The following LIMA1 variants were observed in gnomAD, a reference collection of about 807,000 sequenced individuals.
LIMA1 encodes the protein LIM domain and actin-binding protein 1.
LIMA1 carries 52 observed loss-of-function variants against 62.6 expected under a neutral mutation model. That is an observed-to-expected ratio of 0.83 (90% CI 0.67 to 1.05). The LOEUF (loss-of-function observed/expected upper bound fraction) is 1.05, where lower values mean the gene tolerates loss of function less well. Ranked by LOEUF, LIMA1 falls within the 50% of genes least tolerant of loss-of-function variation. The pLI is 0.00. For synonymous variants in LIMA1, 302 were observed against 317.8 expected (o/e 0.95, Z 0.53); for missense variants, 780 against 902.2 (o/e 0.86, Z 1.74).
intron 1 of LIMA1, among the ~76,000 whole-genome samples, chr12:50,269,587 C>G (rs1942178987): frequency 6.6e-6 from 1 of 152,080 alleles, no homozygotes. Context: ...TTTCTCTGCA[C>G]CATAAAGTCT....
At chr12:50,265,584 G>A (rs552502448) in intron 1 of LIMA1, among the ~76,000 whole-genome samples, 1 of 151,862 alleles carries the variant, frequency 6.6e-6, no homozygotes, top group East Asian at 1.9e-4. Context: ...AAGAGAAATT[G>A]TTTCTTTAAA....
At chr12:50,241,475 A>G (rs756396440) in intron 2 of LIMA1, among the ~76,000 whole-genome samples, 30 of 152,274 alleles carry the variant, frequency 2.0e-4, no homozygotes, top group Non-Finnish European at 3.7e-4. Context: ...TCTAATAGAA[A>G]CATAGATTAA....
chr12:50,176,626 CTG>C lies in LIMA1; in HGVS notation c.*436_*437del, dbSNP rs1337317992. On this transcript the variant is annotated 3_prime_UTR_variant, in exon 11 of 11. Transcript: ENST00000341247. ...TGGTATTCATTTAAAAATATACAAA[CTG>C]TGCCCTTTATACTAAAGTGCATTCA... 6.5e-6 allele frequency: 1 copy of C among 154,504 alleles called. No individual in the cohort carries two copies. The highest frequency in any genetic ancestry group is 1.9e-4 in the East Asian group (1 of 5,242). 9.6% of individuals were successfully genotyped at this position (154,504 alleles called of 1,614,324 possible).
chr12:50,266,569 A>G (rs1942140874), intron 1 of LIMA1, among the ~76,000 whole-genome samples: 1 of 152,178 alleles, frequency 6.6e-6, no homozygotes, highest in Admixed American at 6.5e-5. Flanking sequence ...CTTCACTGTT[A>G]TGAATAAGAA....
chr12:50,237,406 G>T (rs1941711212), intron 2 of LIMA1, among the ~76,000 whole-genome samples: 1 of 152,238 alleles, frequency 6.6e-6, no homozygotes. Context: ...GGAGGCCAAG[G>T]CGGGCGGATC....
chr12:50,186,691 G>A (rs1457511607), intron 9 of LIMA1: 1 of 152,096 alleles, frequency 6.6e-6, no homozygotes, highest in Admixed American at 6.5e-5. Context: ...GCTGGTGCAG[G>A]GATCCACTGT....
intron 2 of LIMA1, chr12:50,234,211 C>CT (rs530660438): frequency 0.073 from 26,902 of 369,344 alleles, 6 homozygotes; most frequent in South Asian, 0.11. Context: ...CCAGAACAAC[C>CT]TTTTTTTTTT....
chr12:50,200,114 C>T (rs973565002), intron 7 of LIMA1, among the ~76,000 whole-genome samples: 4 of 152,066 alleles, frequency 2.6e-5, no homozygotes, highest in East Asian at 1.9e-4. Flanking sequence ...AGGCTTGTCT[C>T]GAACTCTCGA....
chr12:50,177,740 G>C lies in LIMA1; in HGVS notation c.1604C>G (p.Pro535Arg), dbSNP rs761889209. Residue 535 changes from proline to arginine, a missense_variant, in exon 11 of 11, where the codon CCC becomes CGC. By Grantham distance (103) the Pro-to-Arg change is moderately radical (BLOSUM62 -2). Coordinates refer to ENST00000341247, the MANE Select transcript of LIMA1 (RefSeq NM_016357.5). ...ACTTCCTGAACTTCCAAGTTCAGTG[G>C]GGGGTGGCCAGGCGATCCTCAGCTT... ...TKKLRIAWPP[P>R]TELGSSGSAL... 2.9e-5 allele frequency: 46 copies of C among 1,613,944 alleles called. 1 individual carries two copies. The highest frequency in any genetic ancestry group is 1.8e-4 in the South Asian group (16 of 91,060).
intron 2 of LIMA1, among the ~76,000 whole-genome samples, chr12:50,247,759 G>C (rs777262549): frequency 2.6e-4 from 40 of 151,924 alleles, no homozygotes; most frequent in Non-Finnish European, 4.6e-4. Flanking sequence ...GAGCAGCTGG[G>C]ACTACAGTAC....
chr12:50,246,679 T>C (rs1465012687), intron 2 of LIMA1, among the ~76,000 whole-genome samples: 1 of 152,190 alleles, frequency 6.6e-6, no homozygotes, highest in Non-Finnish European at 1.5e-5. Flanking sequence ...AGGTCTTCCA[T>C]CTGGCCCTAA....
At chr12:50,269,102 G>A (rs1446892173) in intron 1 of LIMA1, among the ~76,000 whole-genome samples, 2 of 152,154 alleles carry the variant, frequency 1.3e-5, no homozygotes, top group African/African-American at 4.8e-5. Flanking sequence ...CTAAGCCTTA[G>A]TTTCATCATC....
intron 3 of LIMA1, among the ~76,000 whole-genome samples, chr12:50,227,472 T>A (rs1485610918): frequency 1.3e-5 from 2 of 152,092 alleles, no homozygotes; most frequent in African/African-American, 2.4e-5. Context: ...ACTCCTGACC[T>A]CAGGTGATCC....
chr12:50,193,892 C>T (rs1456722383), intron 8 of LIMA1, among the ~76,000 whole-genome samples: 4 of 149,710 alleles, frequency 2.7e-5, no homozygotes, highest in African/African-American at 9.8e-5. Flanking sequence ...TCTCCAACTC[C>T]TGAGCTCAAG....
Position 50,176,995 on chromosome 12 carries a change from A to C in LIMA1, c.*69T>G. On this transcript the variant is annotated 3_prime_UTR_variant, in exon 11 of 11. Coordinates refer to ENST00000341247, the MANE Select transcript of LIMA1 (RefSeq NM_016357.5). The stretch of plus-strand genomic sequence containing the variant: ...GCTGGGATACCTGCTTATGTGCATC[A>C]CATTTTGACAAAGGGCAGTGGCTCG... 8.0e-7 allele frequency: 1 copy of C among 1,245,956 alleles called. No individual in the cohort carries two copies. Among genetic ancestry groups the C allele is most frequent in the East Asian group, 2.6e-5 (1 of 39,168 alleles). The allele number at this position is 1,245,956 out of a possible 1,614,324, so 77.2% of individuals were successfully genotyped here. A position where few individuals can be genotyped will look rare whatever the true frequency, so the allele number is the denominator to read the frequency against.
At chr12:50,207,162 T>G (rs1941169193) in intron 4 of LIMA1, among the ~76,000 whole-genome samples, 1 of 152,122 alleles carries the variant, frequency 6.6e-6, no homozygotes. Flanking sequence ...TGACCTCAGG[T>G]GATCCGCCCA....
At chr12:50,256,778 C>A (rs1942002257) in intron 1 of LIMA1, among the ~76,000 whole-genome samples, 1 of 152,100 alleles carries the variant, frequency 6.6e-6, no homozygotes. Context: ...CAAGATCAGC[C>A]TGGAACATCT....
chr12:50,249,400 T>C (rs1941896164), intron 1 of LIMA1, among the ~76,000 whole-genome samples: 1 of 152,212 alleles, frequency 6.6e-6, no homozygotes, highest in Non-Finnish European at 1.5e-5. Flanking sequence ...GATATAGATT[T>C]AAGGAGATAA....
At chr12:50,263,602 T>A (rs982892307) in intron 1 of LIMA1, among the ~76,000 whole-genome samples, 21 of 151,986 alleles carry the variant, frequency 1.4e-4, no homozygotes, top group African/African-American at 4.4e-4. Flanking sequence ...ATGTAAAATA[T>A]TTCTTATTGT....
Sources: gnomAD v4.1 joint callset for allele counts (sites outside exome capture counted in the v4.1 genomes callset) on GRCh38, gnomAD v4.1.1 for gene constraint, MANE v1.5 for transcripts, NCBI Gene and HGNC (gene_info 2026-07-23, HGNC 2026-07-21) for gene names.